Variants in CYSLTR2 observed in about 807,000 individuals in gnomAD.
CYSLTR2 encodes the protein G-protein coupled receptor GPCR21.
For synonymous variants in CYSLTR2, 179 were observed against 160.8 expected (o/e 1.11, Z -0.86); for missense variants, 398 against 411.9 (o/e 0.97, Z 0.29).
intron 1 of CYSLTR2, among the ~76,000 whole-genome samples, chr13:48,682,596 C>A (rs961718715): frequency 6.6e-5 from 10 of 152,108 alleles, no homozygotes; most frequent in Non-Finnish European, 1.3e-4. Flanking sequence ...CCCCAGCAGT[C>A]AACTCAGAAA....
Position 48,707,055 on chromosome 13 carries a change from C to G in CYSLTR2, c.238C>G (p.Leu80Val), listed in dbSNP as rs758016389. The change falls in exon 5 of 5, where the codon CTG becomes GTG. Residue 80 changes from leucine (L) to valine (V), a missense_variant. Physicochemically the swap from Leu to Val is conservative, Grantham distance 32 (BLOSUM62 1). Coordinates refer to ENST00000682523, the MANE Select transcript of CYSLTR2 (RefSeq NM_001308476.3). ...STSVNVFMLN[L>V]AISDLLFIST... Reference sequence around the variant, plus strand: ...ATCTGTGAACGTTTTCATGCTAAATCTGGCCATTTCAGATCTCCTGTTCAT... The same window carrying G: ...ATCTGTGAACGTTTTCATGCTAAATGTGGCCATTTCAGATCTCCTGTTCAT... 5 of 1,614,082 alleles carry G rather than the reference C, an allele frequency of 3.1e-6. No homozygotes were observed. The highest frequency in any genetic ancestry group is 3.4e-6 in the Non-Finnish European group (4 of 1,180,048).
intron 4 of CYSLTR2, chr13:48,706,600 G>A: frequency 2.0e-6 from 1 of 492,748 alleles, no homozygotes; most frequent in South Asian, 2.8e-5. Context: ...ACAAATTAAT[G>A]GCTATTCTAC....
intron 1 of CYSLTR2, among the ~76,000 whole-genome samples, chr13:48,670,294 T>C (rs1419245967): frequency 6.6e-6 from 1 of 152,240 alleles, no homozygotes; most frequent in East Asian, 1.9e-4. Context: ...AGATCCCATT[T>C]GTCAATTTTG....
intron 1 of CYSLTR2, among the ~76,000 whole-genome samples, chr13:48,664,124 GTTTA>G (rs1029553587): frequency 6.6e-6 from 1 of 151,952 alleles, no homozygotes; most frequent in African/African-American, 2.4e-5. Context: ...GATGTATGAT[GTTTA>G]TTTATTTGCA....
intron 1 of CYSLTR2, among the ~76,000 whole-genome samples, chr13:48,690,978 G>A (rs750262442): frequency 2.6e-5 from 4 of 151,856 alleles, no homozygotes; most frequent in Admixed American, 2.6e-4. Context: ...TGGAATTCAG[G>A]ACTAATCCCA....
At chr13:48,657,302 G>T (rs190085452) in intron 1 of CYSLTR2, among the ~76,000 whole-genome samples, 1 of 152,152 alleles carries the variant, frequency 6.6e-6, no homozygotes, top group African/African-American at 2.4e-5. Context: ...GTTATTATTC[G>T]AGAGGCCCAG....
chr13:48,656,222 A>G (rs1206142402), intron 1 of CYSLTR2, among the ~76,000 whole-genome samples: 1 of 152,124 alleles, frequency 6.6e-6, no homozygotes, highest in African/African-American at 2.4e-5. Flanking sequence ...AGAATTGTTC[A>G]TGTGTTTCTG....
intron 1 of CYSLTR2, among the ~76,000 whole-genome samples, chr13:48,673,209 A>G (rs1364902359): frequency 6.6e-6 from 1 of 152,108 alleles, no homozygotes; most frequent in Non-Finnish European, 1.5e-5. Flanking sequence ...GTGGGGTGTT[A>G]AAGTCTCCCA....
chr13:48,656,061 A>G (rs972005437), intron 1 of CYSLTR2, among the ~76,000 whole-genome samples: 3 of 150,072 alleles, frequency 2.0e-5, no homozygotes, highest in East Asian at 2.0e-4. Flanking sequence ...ATATTTGTAT[A>G]TATTTCAAGA....
chr13:48,680,432 C>T (rs1307422642), intron 1 of CYSLTR2, among the ~76,000 whole-genome samples: 1 of 152,194 alleles, frequency 6.6e-6, no homozygotes, highest in Non-Finnish European at 1.5e-5. Flanking sequence ...AGCTATTCAC[C>T]CTCATCAGAC....
intron 1 of CYSLTR2, among the ~76,000 whole-genome samples, chr13:48,663,420 T>C (rs1345950375): frequency 6.6e-6 from 1 of 152,174 alleles, no homozygotes; most frequent in Non-Finnish European, 1.5e-5. Context: ...ATCTGTAGGT[T>C]GCTTTGAATA....
intron 1 of CYSLTR2, among the ~76,000 whole-genome samples, chr13:48,681,083 A>G (rs1416182828): frequency 6.7e-6 from 1 of 150,280 alleles, no homozygotes; most frequent in Admixed American, 6.6e-5. Context: ...CTGTGATTAT[A>G]CTCTCCCTAC....
Position 48,695,638 on chromosome 13 carries a change from ATTTTGT to A in CYSLTR2, c.-102-887_-102-882del, listed in dbSNP as rs575927417. Among the ~76,000 whole-genome samples, 437 of 152,232 alleles carry A rather than the reference ATTTTGT, an allele frequency of 2.9e-3. 1 individual carries two copies. Among genetic ancestry groups the A allele is most frequent in the African/African-American group, 9.9e-3 (411 of 41,540 alleles). Reference sequence around the variant, plus strand: ...CAAATCTGTGTTCTCCATTTCTATAATTTTGTCATTCAAGGATGTTATATAAATGGG... The same window carrying A: ...CAAATCTGTGTTCTCCATTTCTATAACATTCAAGGATGTTATATAAATGGG... On this transcript the variant is annotated intron_variant, in intron 3 of 4. Coordinates refer to ENST00000682523, the MANE Select transcript of CYSLTR2 (RefSeq NM_001308476.3).
intron 1 of CYSLTR2, among the ~76,000 whole-genome samples, chr13:48,670,953 T>C (rs1054244390): frequency 5.9e-5 from 9 of 152,238 alleles, no homozygotes; most frequent in African/African-American, 1.7e-4. Context: ...TCTTATTTCC[T>C]TGAGCAGTGG....
intron 1 of CYSLTR2, among the ~76,000 whole-genome samples, chr13:48,663,663 C>T (rs997347801): frequency 3.3e-5 from 5 of 151,910 alleles, no homozygotes; most frequent in African/African-American, 1.2e-4. Context: ...GTGTAGAAAA[C>T]ACTACTGATG....
At chr13:48,659,595 G>T (rs1311542600) in intron 1 of CYSLTR2, among the ~76,000 whole-genome samples, 1 of 152,238 alleles carries the variant, frequency 6.6e-6, no homozygotes, top group Non-Finnish European at 1.5e-5. Flanking sequence ...ATGGGCTTGT[G>T]AGGAGCTCCT....
At chr13:48,687,886 T>C (rs1953936411) in intron 1 of CYSLTR2, among the ~76,000 whole-genome samples, 1 of 152,230 alleles carries the variant, frequency 6.6e-6, no homozygotes, top group Non-Finnish European at 1.5e-5. Context: ...GTATTAATAT[T>C]GGCAATTTAA....
chr13:48,706,716 C>T (rs527972610), intron 4 of CYSLTR2, 101 bp from the exon 5 acceptor site: 3 of 904,814 alleles, frequency 3.3e-6, no homozygotes, highest in East Asian at 4.9e-5. Context: ...GATAGTATTG[C>T]TCCCTGTTTC....
chr13:48,693,531 A>G (rs1688252798), intron 3 of CYSLTR2, 21 bp downstream of exon 3: 1 of 151,764 alleles, frequency 6.6e-6, no homozygotes, highest in Admixed American at 6.6e-5. Flanking sequence ...ATTTCTGAAG[A>G]CAGGGGAAAA....
Sources: allele counts gnomAD v4.1 joint callset (sites outside exome capture counted in the v4.1 genomes callset), GRCh38; gene constraint gnomAD v4.1.1; transcripts MANE v1.5; gene names NCBI Gene and HGNC (gene_info 2026-07-23, HGNC 2026-07-21).